Variants in LPP observed in about 807,000 individuals in gnomAD.
The protein encoded by LPP is LIM domain containing preferred translocation partner in lipoma.
A neutral mutation model predicts 60.4 loss-of-function variants in LPP; 38 were observed. The observed-to-expected ratio is 0.63, with a 90% CI of 0.49 to 0.83. The LOEUF (loss-of-function observed/expected upper bound fraction) is 0.83, where lower values mean the gene tolerates loss of function less well. LPP is among the 40% of genes least tolerant of loss of function. The pLI is 0.00. For missense variants in LPP, 902 were observed against 783.6 expected, an observed-to-expected ratio of 1.15 and a Z score of -1.80; for synonymous variants, 328 against 290.8, an observed-to-expected ratio of 1.13 and a Z score of -1.30.
At chr3:188,594,079 T>G (rs1165537156) in intron 6 of LPP, among the ~76,000 whole-genome samples, 1 of 152,148 alleles carries the variant, frequency 6.6e-6, no homozygotes, top group African/African-American at 2.4e-5. Context: ...GATAGGAATA[T>G]TAGAACATGG....
chr3:188,647,327 T>A (rs1580674306), intron 7 of LPP, among the ~76,000 whole-genome samples: 1 of 152,104 alleles, frequency 6.6e-6, no homozygotes, highest in African/African-American at 2.4e-5. Context: ...CTGCGGTGCC[T>A]GATGGAAAGT....
intron 2 of LPP, among the ~76,000 whole-genome samples, chr3:188,240,367 G>GTC: frequency 6.8e-6 from 1 of 147,922 alleles, no homozygotes; most frequent in African/African-American, 2.6e-5. Context: ...GTGTGTGTGT[G>GTC]TGTGTGTGTG....
intron 1 of LPP, among the ~76,000 whole-genome samples, chr3:188,212,366 T>C (rs1161573475): frequency 6.6e-6 from 1 of 150,766 alleles, no homozygotes; most frequent in Admixed American, 6.6e-5. Flanking sequence ...GTGGAGGAGG[T>C]TTTTTCCTGG....
chr3:188,312,983 A>C, intron 2 of LPP: 1 of 144,374 alleles, frequency 6.9e-6, no homozygotes, highest in Non-Finnish European at 1.5e-5. Context: ...GGGGCCTGTC[A>C]TGGGGTTGGG....
chr3:188,779,792 A>G (rs1739051437), intron 9 of LPP, among the ~76,000 whole-genome samples: 1 of 152,128 alleles, frequency 6.6e-6, no homozygotes, highest in Non-Finnish European at 1.5e-5. Context: ...TCATTGGTCC[A>G]TAGAGAAGAC....
intron 4 of LPP, among the ~76,000 whole-genome samples, chr3:188,464,216 AT>A (rs1357812986): frequency 1.2e-4 from 19 of 152,288 alleles, no homozygotes; most frequent in Admixed American, 1.2e-3. Flanking sequence ...TTATAGCAAA[AT>A]ATTTTTTGGA....
chr3:188,484,515 AAATGCCAGCAAAT>A (rs1477749879), intron 4 of LPP, 64 bp from the exon 5 acceptor site: 2 of 1,041,556 alleles, frequency 1.9e-6, no homozygotes, highest in African/African-American at 3.2e-5. Context: ...TAAAAAAGTA[AAATGCCAGCAAAT>A]ATATCACGAG....
chr3:188,601,950 C>T (rs1560619595), intron 6 of LPP, among the ~76,000 whole-genome samples: 1 of 151,110 alleles, frequency 6.6e-6, no homozygotes, highest in South Asian at 2.1e-4. Flanking sequence ...TGCCTATAAT[C>T]CCAGCTATTT....
At chr3:188,185,521 C>T (rs13090058) in intron 1 of LPP, among the ~76,000 whole-genome samples, 12 of 147,926 alleles carry the variant, frequency 8.1e-5, no homozygotes, top group African/African-American at 2.5e-4. Context: ...CCCCACAGTT[C>T]ATAGAGTGGA....
chr3:188,843,509 T>C (rs904614615), intron 9 of LPP, among the ~76,000 whole-genome samples: 8 of 152,096 alleles, frequency 5.3e-5, no homozygotes, highest in South Asian at 2.1e-4. Context: ...TCCTCTGGGC[T>C]GGGCGCGGTG....
intron 8 of LPP, among the ~76,000 whole-genome samples, chr3:188,753,411 A>G (rs570086704): frequency 4.6e-5 from 7 of 152,208 alleles, no homozygotes; most frequent in African/African-American, 1.7e-4. Flanking sequence ...AGCTAAGCAA[A>G]TCTCTGTCTA....
intron 7 of LPP, among the ~76,000 whole-genome samples, chr3:188,681,772 T>C (rs550896614): frequency 1.3e-5 from 2 of 152,352 alleles, no homozygotes; most frequent in South Asian, 4.1e-4. Flanking sequence ...CATTTTTCTA[T>C]ATACAAAATT....
intron 9 of LPP, among the ~76,000 whole-genome samples, chr3:188,762,719 C>T (rs145351771): frequency 1.0e-3 from 152 of 151,820 alleles, no homozygotes; most frequent in African/African-American, 3.6e-3. Flanking sequence ...GATATTTAAT[C>T]GCGTACTTGG....
intron 9 of LPP, among the ~76,000 whole-genome samples, chr3:188,820,383 G>A (rs1753647301): frequency 6.6e-6 from 1 of 151,936 alleles, no homozygotes; most frequent in African/African-American, 2.4e-5. Flanking sequence ...TCAAATATTT[G>A]TACATTTACT....
chr3:188,403,792 T>A (rs1349735423), intron 3 of LPP, among the ~76,000 whole-genome samples: 1 of 152,180 alleles, frequency 6.6e-6, no homozygotes, highest in Non-Finnish European at 1.5e-5. Flanking sequence ...TAGGCCTTAA[T>A]GGTAGTTTAT....
intron 9 of LPP, among the ~76,000 whole-genome samples, chr3:188,819,868 G>T (rs1032339768): frequency 1.3e-5 from 2 of 152,186 alleles, no homozygotes; most frequent in African/African-American, 4.8e-5. Context: ...TGTTAGAACT[G>T]CAGGAGTGTG....
At chr3:188,537,706 C>G (rs988505436) in intron 6 of LPP, among the ~76,000 whole-genome samples, 3 of 152,152 alleles carry the variant, frequency 2.0e-5, no homozygotes, top group Admixed American at 2.0e-4. Flanking sequence ...AAAGCAATCC[C>G]TATCAGAATC....
At chr3:188,314,719 G>A (rs1285319532) in intron 2 of LPP, among the ~76,000 whole-genome samples, 1 of 152,098 alleles carries the variant, frequency 6.6e-6, no homozygotes, top group East Asian at 1.9e-4. Flanking sequence ...TACTCGGGAG[G>A]CTGAGGCAGG....
chr3:188,330,519 T>C (rs1364765730), intron 2 of LPP, among the ~76,000 whole-genome samples: 4 of 152,226 alleles, frequency 2.6e-5, no homozygotes, highest in Admixed American at 2.6e-4. Flanking sequence ...CATGTCTTTC[T>C]TTCCTATCCC....
Sources: allele counts gnomAD v4.1 joint callset (sites outside exome capture counted in the v4.1 genomes callset), GRCh38; gene constraint gnomAD v4.1.1; transcripts MANE v1.5; gene names NCBI Gene and HGNC (gene_info 2026-07-23, HGNC 2026-07-21).